The following HTRA3 variants were observed in gnomAD, a reference collection of about 807,000 sequenced individuals.
HTRA3 encodes the protein serine protease HTRA3.
In HTRA3, 41 loss-of-function variants were observed where a neutral mutation model predicts 43.2. The ratio of observed to expected loss-of-function variants is 0.95; its 90% CI spans 0.74 to 1.23. HTRA3 has a LOEUF of 1.23. Ranked by LOEUF, HTRA3 falls within the 50% of genes most tolerant of loss-of-function variation. The probability of loss-of-function intolerance (pLI) is 0.00; values close to 1 mark genes in which losing one functional copy is unlikely to be tolerated. For synonymous variants in HTRA3, 295 were observed against 287.9 expected (o/e 1.02, Z -0.25); for missense variants, 628 against 647.1 (o/e 0.97, Z 0.32).
chr4:8,290,040 G>A (rs1422336411), intron 3 of HTRA3, among the ~76,000 whole-genome samples: 2 of 152,206 alleles, frequency 1.3e-5, no homozygotes, highest in South Asian at 2.1e-4. Context: ...GATTTCAGAC[G>A]TTATTTCTGC....
At position 8,295,051 on chromosome 4, in the gene HTRA3, C is replaced by T. The variant is rs962866975; in HGVS notation, c.1051+850C>T. On this transcript the variant is annotated intron_variant, in intron 6 of 8. Transcript: ENST00000307358. This position sits in a 1 kb window ranked among gnomAD's most constrained non-coding sequence, Gnocchi z 6.9. ...CTATCCACCCATTCACCCACCTGGC[C>T]ACCATTTCTTCCTTCCTTTATTTTT... Among the ~76,000 whole-genome samples, 11 of 151,812 alleles carry T rather than the reference C, an allele frequency of 7.2e-5. No individual in the cohort carries two copies. The highest frequency in any genetic ancestry group is 1.0e-4 in the Non-Finnish European group (7 of 67,942).
At chr4:8,287,314 G>A (rs149897171) in intron 3 of HTRA3, among the ~76,000 whole-genome samples, 3,307 of 152,276 alleles carry the variant, frequency 0.022, 52 homozygotes, top group Middle Eastern at 0.061. Context: ...TCAGCCAGGC[G>A]CTGACTGCAC....
In HTRA3 at chr4:8,306,493, T is replaced by C; in HGVS notation, c.*357T>C. The C allele has an allele frequency of 5.2e-6, 1 of 192,724 alleles. No individual in the cohort carries two copies. Among genetic ancestry groups the C allele is most frequent in the Non-Finnish European group, 1.1e-5 (1 of 92,644 alleles). 11.9% of individuals were successfully genotyped at this position (192,724 alleles called of 1,614,324 possible). On this transcript the variant is annotated 3_prime_UTR_variant, in exon 9 of 9. Coordinates refer to ENST00000307358, the MANE Select transcript of HTRA3 (RefSeq NM_053044.5). This position sits in a 1 kb window ranked among gnomAD's most constrained non-coding sequence, Gnocchi z 8.9. Reference sequence around the variant, plus strand: ...ACCCATCTGCAGTATCCCCTGCTCCTGCCCCTCCTACTGCAGGTCTGGGCT... The same window carrying C: ...ACCCATCTGCAGTATCCCCTGCTCCCGCCCCTCCTACTGCAGGTCTGGGCT...
At chr4:8,278,424 G>A (rs1341961446) in intron 1 of HTRA3, among the ~76,000 whole-genome samples, 1 of 151,818 alleles carries the variant, frequency 6.6e-6, no homozygotes, top group Non-Finnish European at 1.5e-5. Context: ...GGCTGAATCT[G>A]GTTGAGACTG....
rs1004132127 is a variant in HTRA3, at chr4:8,286,884, C to T, written c.708+101C>T. 3.8e-5 allele frequency: 34 copies of T among 898,268 alleles called. No individual in the cohort carries two copies. The Middle Eastern group carries it at 8.5e-4, about 22-fold the overall frequency. 55.6% of individuals were successfully genotyped at this position (898,268 alleles called of 1,614,324 possible). ...GAGGCAAGCTAGCCCCACCTTCCAT[C>T]AGCCAGGGGGAGGAAACTGGGCCCA... On this transcript the variant is annotated intron_variant, in intron 3 of 8. Coordinates refer to ENST00000307358, the MANE Select transcript of HTRA3 (RefSeq NM_053044.5). This position sits in a 1 kb window ranked among gnomAD's most constrained non-coding sequence, Gnocchi z 4.9.
At position 8,286,391 on chromosome 4, in the gene HTRA3, T is replaced by A. The variant is rs1366926775; in HGVS notation, c.486-170T>A. On this transcript the variant is annotated intron_variant, in intron 2 of 8. Transcript: ENST00000307358. The surrounding 1 kb of genome is among the most constrained non-coding windows in gnomAD (Gnocchi z 4.9). ...GTGAATGGGTGCAGGCGCCGGTGAC[T>A]TGGCCAGGTCACAGGGCCAGGATTC... Among the ~76,000 whole-genome samples, 1 of 152,156 alleles carries A rather than the reference T, an allele frequency of 6.6e-6. No individual in the cohort carries two copies. The highest frequency in any genetic ancestry group is 1.5e-5 in the Non-Finnish European group (1 of 68,026).
rs960308565 is a variant in HTRA3, at chr4:8,306,795, G to T, written c.*659G>T. The T allele has an allele frequency of 6.5e-6, 1 of 152,684 alleles. No individual in the cohort carries two copies. The highest frequency in any genetic ancestry group is 2.4e-5 in the African/African-American group (1 of 41,458). 9.5% of individuals were successfully genotyped at this position (152,684 alleles called of 1,614,324 possible). A position where few individuals can be genotyped will look rare whatever the true frequency, so the allele number is the denominator to read the frequency against. On this transcript the variant is annotated 3_prime_UTR_variant, in exon 9 of 9. Coordinates refer to ENST00000307358, the MANE Select transcript of HTRA3 (RefSeq NM_053044.5). This position sits in a 1 kb window ranked among gnomAD's most constrained non-coding sequence, Gnocchi z 8.9. ...GGCCGCGGGGAGCACGTGGAAAGTT[G>T]GCTGCTGCCTGGGGAAGCTTCTCCT...
Position 8,286,665 on chromosome 4 carries a change from G to A in HTRA3, c.590G>A (p.Ser197Asn), listed in dbSNP as rs768171668. The change falls in exon 3 of 9, where the codon AGT becomes AAT. Residue 197 changes from serine (S) to asparagine (N), a missense_variant. Transcript: ENST00000307358. The surrounding 1 kb of genome is among the most constrained non-coding windows in gnomAD (Gnocchi z 4.9). ...AATGCCCACGTGGTGTCCAGCAACA[G>A]TGCTGCCCCGGGCAGGCAGCAGCTC... ...ITNAHVVSSN[S>N]AAPGRQQLKV... The A allele has an allele frequency of 2.5e-6, 4 of 1,614,140 alleles. No individual in the cohort carries two copies. The South Asian group carries it at 4.4e-5, about 18-fold the overall frequency.
Position 8,306,248 on chromosome 4 carries a change from C to A in HTRA3, c.*112C>A. On this transcript the variant is annotated 3_prime_UTR_variant, in exon 9 of 9. Coordinates refer to ENST00000307358, the MANE Select transcript of HTRA3 (RefSeq NM_053044.5). The surrounding 1 kb of genome is among the most constrained non-coding windows in gnomAD (Gnocchi z 8.9). ...CGGTCCTCAGCAGGGCGGCAGCCTC[C>A]TCCTGGCTGTCCGGGGCAGAGCGGA... 8.5e-7 allele frequency: 1 copy of A among 1,177,844 alleles called. No individual in the cohort carries two copies. The highest frequency in any genetic ancestry group is 1.2e-6 in the Non-Finnish European group (1 of 865,294). The allele number at this position is 1,177,844 out of a possible 1,614,324, so 73.0% of individuals were successfully genotyped here. A position where few individuals can be genotyped will look rare whatever the true frequency, so the allele number is the denominator to read the frequency against.
In HTRA3 at chr4:8,269,939, G is replaced by C. The variant is rs1052984937; in HGVS notation, c.-30G>C. On this transcript the variant is annotated 5_prime_UTR_variant, in exon 1 of 9. Transcript: ENST00000307358. ...CCCGCCGGCCCCCGCCCGGTCTCCC[G>C]CGCTGCCACCCGCCGCCGGCCCTGC... 9.6e-7 allele frequency: 1 copy of C among 1,044,532 alleles called. No homozygotes were observed. Among genetic ancestry groups the C allele is most frequent in the Non-Finnish European group, 1.2e-6 (1 of 867,646 alleles). 64.7% of individuals were successfully genotyped at this position (1,044,532 alleles called of 1,614,324 possible).
At chr4:8,274,066 C>T (rs1712417513) in intron 1 of HTRA3, among the ~76,000 whole-genome samples, 1 of 152,186 alleles carries the variant, frequency 6.6e-6, no homozygotes, top group Non-Finnish European at 1.5e-5. Flanking sequence ...CCATGACCTG[C>T]AGGCTTCCTT....
At chr4:8,282,067 C>G (rs1712768665) in intron 1 of HTRA3, among the ~76,000 whole-genome samples, 1 of 152,166 alleles carries the variant, frequency 6.6e-6, no homozygotes, top group African/African-American at 2.4e-5. Flanking sequence ...AGGGAACAGA[C>G]AAGGCCCAGG....
chr4:8,295,846 A>C lies in HTRA3; in HGVS notation c.1051+1645A>C. On this transcript the variant is annotated intron_variant, in intron 6 of 8. Coordinates refer to ENST00000307358, the MANE Select transcript of HTRA3 (RefSeq NM_053044.5). This position sits in a 1 kb window ranked among gnomAD's most constrained non-coding sequence, Gnocchi z 6.9. ...AAGAGCTGCTGTTGAGGATGCCGCC[A>C]TTGTTCTTCTGTGTCCATTATGGGA... 1 of 1,238,188 alleles carries C rather than the reference A, an allele frequency of 8.1e-7. No homozygotes were observed. The highest frequency in any genetic ancestry group is 1.0e-6 in the Non-Finnish European group (1 of 989,932). 76.7% of individuals were successfully genotyped at this position (1,238,188 alleles called of 1,614,324 possible).
chr4:8,291,383 T>C lies in HTRA3; in HGVS notation c.722T>C (p.Val241Ala). 1 of 1,613,534 alleles carries C rather than the reference T, an allele frequency of 6.2e-7. No homozygotes were observed. Among genetic ancestry groups the C allele is most frequent in the Non-Finnish European group, 8.5e-7 (1 of 1,179,998 alleles). ...IKIHPKKKLPVLLLGHSADLR... is the reference protein window; with the variant it reads ...IKIHPKKKLPALLLGHSADLR... The stretch of plus-strand genomic sequence containing the variant: ...TCTCTCTCCTAGAAAAAGCTCCCTG[T>C]GTTGTTGCTGGGTCACTCGGCCGAC... The change falls in exon 4 of 9, where the codon GTG (valine) becomes GCG (alanine). Residue 241 changes from valine (V) to alanine (A), a missense_variant. Val to Ala is a moderately conservative substitution (Grantham distance 64). Coordinates refer to ENST00000307358, the MANE Select transcript of HTRA3 (RefSeq NM_053044.5).
In HTRA3 at chr4:8,286,514, C is replaced by G; in HGVS notation, c.486-47C>G. 6.5e-7 allele frequency: 1 copy of G among 1,533,590 alleles called. No individual in the cohort carries two copies. Among genetic ancestry groups the G allele is most frequent in the Non-Finnish European group, 9.0e-7 (1 of 1,110,960 alleles). 95.0% of individuals were successfully genotyped at this position (1,533,590 alleles called of 1,614,324 possible). A position where few individuals can be genotyped will look rare whatever the true frequency, so the allele number is the denominator to read the frequency against. On this transcript the variant is annotated intron_variant, in intron 2 of 8. Coordinates refer to ENST00000307358, the MANE Select transcript of HTRA3 (RefSeq NM_053044.5). The surrounding 1 kb of genome is among the most constrained non-coding windows in gnomAD (Gnocchi z 4.9). ...CCCACCACTGCGCCTGACTCCCCCG[C>G]GTCCTAGCCCCACCCTAAATGCCCG...
At chr4:8,294,570 G>A (rs112505270) in intron 6 of HTRA3, among the ~76,000 whole-genome samples, 303 of 28,034 alleles carry the variant, frequency 0.011, 5 homozygotes, top group African/African-American at 0.05. Flanking sequence ...CCTTCTATCC[G>A]TCCGTCCGTC....
chr4:8,280,423 G>A (rs1013172869), intron 1 of HTRA3, among the ~76,000 whole-genome samples: 2 of 152,326 alleles, frequency 1.3e-5, no homozygotes, highest in South Asian at 4.1e-4. Flanking sequence ...CACCAGGGAA[G>A]CAGGCTTTGT....
intron 7 of HTRA3, among the ~76,000 whole-genome samples, chr4:8,303,879 C>T (rs1468591583): frequency 6.6e-6 from 1 of 152,190 alleles, no homozygotes; most frequent in Non-Finnish European, 1.5e-5. Context: ...TCTATCCACC[C>T]ATCCAGCATC....
At chr4:8,292,591 A>C (rs1371010078) in intron 5 of HTRA3, among the ~76,000 whole-genome samples, 1 of 152,232 alleles carries the variant, frequency 6.6e-6, no homozygotes, top group Non-Finnish European at 1.5e-5. Context: ...AGCTCAGTCC[A>C]GGGCCATGTG....
Sources: gnomAD v4.1 joint callset for allele counts (sites outside exome capture counted in the v4.1 genomes callset) on GRCh38, gnomAD v4.1.1 for gene constraint, Gnocchi (gnomAD v3.1) non-coding constraint, MANE v1.5 for transcripts, NCBI Gene and HGNC (gene_info 2026-07-23, HGNC 2026-07-21) for gene names.